The following SLC26A7 variants were observed in gnomAD, a reference collection of about 807,000 sequenced individuals.
SLC26A7 encodes the protein solute carrier family 26 member 7.
In SLC26A7, 59 loss-of-function variants were observed where a neutral mutation model predicts 82.5. That is an observed-to-expected ratio of 0.72 (90% CI 0.58 to 0.89). SLC26A7 has a LOEUF of 0.89. Among genes scored for constraint, SLC26A7 ranks in the 40% least tolerant of loss-of-function variants. The pLI, the probability that SLC26A7 is intolerant of heterozygous loss-of-function variation, is 0.00. For synonymous variants in SLC26A7, 271 were observed against 274.3 expected (o/e 0.99, Z 0.12); for missense variants, 820 against 793.0 (o/e 1.03, Z -0.41).
intron 13 of SLC26A7, among the ~76,000 whole-genome samples, chr8:91,364,257 C>T (rs1019516028): frequency 1.3e-5 from 2 of 152,128 alleles, no homozygotes; most frequent in African/African-American, 2.4e-5. Flanking sequence ...GTTTGGCTAA[C>T]CTTTTTCCGT....
intron 2 of SLC26A7, among the ~76,000 whole-genome samples, chr8:91,262,314 C>T (rs895447704): frequency 5.9e-5 from 9 of 151,960 alleles, no homozygotes; most frequent in Admixed American, 1.3e-4. Context: ...AAGTATCTGA[C>T]GTTTAGGCAA....
intron 4 of SLC26A7, among the ~76,000 whole-genome samples, chr8:91,310,060 A>G (rs1421590074): frequency 6.6e-6 from 1 of 151,984 alleles, no homozygotes; most frequent in African/African-American, 2.4e-5. Context: ...AGGTGCTTCT[A>G]TCTGTTGGGA....
intron 15 of SLC26A7, among the ~76,000 whole-genome samples, chr8:91,381,453 T>G (rs1035667738): frequency 6.6e-6 from 1 of 152,174 alleles, no homozygotes; most frequent in Non-Finnish European, 1.5e-5. Context: ...GCAAATTTAC[T>G]TTTACCTGCC....
chr8:91,219,708 T>A (rs1369794734), intron 2 of SLC26A7, among the ~76,000 whole-genome samples: 1 of 152,142 alleles, frequency 6.6e-6, no homozygotes, highest in Non-Finnish European at 1.5e-5. Context: ...CCACATCAGT[T>A]GAGAACGTGT....
intron 2 of SLC26A7, among the ~76,000 whole-genome samples, chr8:91,287,674 A>G (rs1259757208): frequency 2.6e-5 from 4 of 152,300 alleles, no homozygotes; most frequent in Middle Eastern, 6.8e-3. Context: ...GATAATTTTT[A>G]TCAGGTAACT....
intron 11 of SLC26A7, among the ~76,000 whole-genome samples, chr8:91,355,505 T>C (rs928140576): frequency 6.6e-6 from 1 of 152,108 alleles, no homozygotes; most frequent in Non-Finnish European, 1.5e-5. Context: ...TCTCTGATTA[T>C]GTATTTCTAG....
chr8:91,345,330 G>A (rs1278422386), intron 9 of SLC26A7, among the ~76,000 whole-genome samples: 1 of 152,132 alleles, frequency 6.6e-6, no homozygotes, highest in Non-Finnish European at 1.5e-5. Context: ...AATAAACATA[G>A]TGAGTGGTTC....
chr8:91,388,508 GAATT>G (rs1343466970), intron 15 of SLC26A7, among the ~76,000 whole-genome samples: 1 of 152,138 alleles, frequency 6.6e-6, no homozygotes, highest in Non-Finnish European at 1.5e-5. Context: ...TTTAAATTAA[GAATT>G]AATTTTTTCA....
In SLC26A7 at chr8:91,279,139, A is replaced by G. The variant is rs895199386; in HGVS notation, c.194-9997A>G. On this transcript the variant is annotated intron_variant, in intron 2 of 18. Transcript: ENST00000276609. The stretch of plus-strand genomic sequence containing the variant: ...TGTGTGTGTGTGTATATATATATAT[A>G]TATATATATATATATATATATATAT... Among the ~76,000 whole-genome samples, 109 of 102,874 alleles carry G rather than the reference A, an allele frequency of 1.1e-3. 2 individuals carry two copies. Among genetic ancestry groups the G allele is most frequent in the Middle Eastern group, 6.5e-3 (1 of 154 alleles). 67.5% of individuals were successfully genotyped at this position (102,874 alleles called of 152,430 possible). A position where few individuals can be genotyped will look rare whatever the true frequency, so the allele number is the denominator to read the frequency against.
At chr8:91,234,939 AG>A (rs1810372309) in intron 2 of SLC26A7, among the ~76,000 whole-genome samples, 1 of 137,570 alleles carries the variant, frequency 7.3e-6, no homozygotes, top group Non-Finnish European at 1.5e-5. Flanking sequence ...TCTTTTTTTG[AG>A]GCAGGGTTTT....
At chr8:91,267,090 A>G (rs1040580683) in intron 2 of SLC26A7, among the ~76,000 whole-genome samples, 1 of 151,862 alleles carries the variant, frequency 6.6e-6, no homozygotes, top group African/African-American at 2.4e-5. Context: ...ATGAATCCTA[A>G]CTGATCATCG....
intron 4 of SLC26A7, among the ~76,000 whole-genome samples, chr8:91,299,153 G>GT (rs1812093908): frequency 6.6e-6 from 1 of 152,144 alleles, no homozygotes. Flanking sequence ...TTCCATCAGA[G>GT]TTTTAGATTT....
intron 2 of SLC26A7, among the ~76,000 whole-genome samples, chr8:91,241,192 G>A (rs564636378): frequency 1.3e-5 from 2 of 152,194 alleles, no homozygotes; most frequent in South Asian, 4.1e-4. Context: ...AAGAAATATT[G>A]TACAGTCATT....
At chr8:91,308,862 C>G (rs939706049) in intron 4 of SLC26A7, among the ~76,000 whole-genome samples, 2 of 151,780 alleles carry the variant, frequency 1.3e-5, no homozygotes, top group African/African-American at 2.4e-5. Context: ...TCTTTGACAC[C>G]CTTATTTGTT....
At position 91,340,552 on chromosome 8, in the gene SLC26A7, G is replaced by A. The variant is rs753257049; in HGVS notation, c.1026+1G>A. On this transcript the variant is annotated splice_donor_variant, in intron 8 of 18. Coordinates refer to ENST00000276609, the MANE Select transcript of SLC26A7 (RefSeq NM_052832.4). LOFTEE classifies it high-confidence loss of function. Reference sequence around the variant, plus strand: ...CAAATATTCAATTGATGACAACCAGGTGGAGTGTGCCCCCAGTCCCTCTCC... The same window carrying A: ...CAAATATTCAATTGATGACAACCAGATGGAGTGTGCCCCCAGTCCCTCTCC... 11 of 1,613,608 alleles carry A rather than the reference G, an allele frequency of 6.8e-6. No individual in the cohort carries two copies. Among genetic ancestry groups the A allele is most frequent in the African/African-American group, 2.7e-5 (2 of 74,842 alleles).
intron 11 of SLC26A7, among the ~76,000 whole-genome samples, chr8:91,360,669 C>T (rs953026199): frequency 6.6e-6 from 1 of 152,114 alleles, no homozygotes; most frequent in African/African-American, 2.4e-5. Flanking sequence ...GAATTCTGGC[C>T]TCCAGGCTCT....
chr8:91,326,971 A>C (rs1250204434), intron 5 of SLC26A7, among the ~76,000 whole-genome samples: 1 of 151,984 alleles, frequency 6.6e-6, no homozygotes, highest in Non-Finnish European at 1.5e-5. Flanking sequence ...AAGGATACTG[A>C]TCATGGGATT....
chr8:91,335,404 T>C (rs929451781), intron 6 of SLC26A7, among the ~76,000 whole-genome samples: 4 of 152,150 alleles, frequency 2.6e-5, no homozygotes, highest in African/African-American at 9.7e-5. Context: ...ATATAATATG[T>C]ATGTGTGTAT....
chr8:91,348,235 ATCTC>A, intron 9 of SLC26A7: 1 of 661,828 alleles, frequency 1.5e-6, no homozygotes, highest in Non-Finnish European at 1.9e-6. Context: ...ATCTAATGTC[ATCTC>A]TCTCTTTTTT....
Sources: gnomAD v4.1 joint callset for allele counts (sites outside exome capture counted in the v4.1 genomes callset) on GRCh38, gnomAD v4.1.1 for gene constraint, MANE v1.5 for transcripts, NCBI Gene and HGNC (gene_info 2026-07-23, HGNC 2026-07-21) for gene names.